RELN: variants seen among roughly 807,000 people sequenced by gnomAD.
RELN encodes the protein reelin.
Under a neutral mutation model 427.6 loss-of-function variants are expected in RELN, and 108 were observed. The ratio of observed to expected loss-of-function variants is 0.25; its 90% confidence interval spans 0.22 to 0.30. RELN has a LOEUF of 0.30. Ranked by LOEUF, RELN falls within the 10% of genes least tolerant of loss-of-function variation. The probability of loss-of-function intolerance (pLI) is 1.00; values close to 1 mark genes in which losing one functional copy is unlikely to be tolerated. For missense variants in RELN, 3,715 were observed against 4,302.8 expected (o/e 0.86, Z 3.82); for synonymous variants, 1,524 against 1,513.4 (o/e 1.01, Z -0.16).
intron 34 of RELN, among the ~76,000 whole-genome samples, chr7:103,562,221 A>ACCT (rs1830660140): frequency 6.6e-6 from 1 of 152,226 alleles, no homozygotes; most frequent in Admixed American, 6.5e-5. Context: ...GTGAAATGGA[A>ACCT]AAGTTATTTT....
At chr7:103,500,970 A>G in intron 52 of RELN, 48 bp from the exon 53 acceptor site, 1 of 1,550,514 alleles carries the variant, frequency 6.4e-7, no homozygotes, top group Non-Finnish European at 8.9e-7. Flanking sequence ...AGTTAACTGT[A>G]TTTAGGTCCA....
At chr7:103,699,536 A>T (rs1264792022) in intron 9 of RELN, among the ~76,000 whole-genome samples, 1 of 152,168 alleles carries the variant, frequency 6.6e-6, no homozygotes, top group Non-Finnish European at 1.5e-5. Flanking sequence ...TCAGCTGAAC[A>T]CAATCTTTAT....
At chr7:103,503,397 A>G (rs536018562) in intron 51 of RELN, among the ~76,000 whole-genome samples, 167 bp from the exon 52 acceptor site, 1 of 152,328 alleles carries the variant, frequency 6.6e-6, no homozygotes, top group Non-Finnish European at 1.5e-5. Context: ...GAAAGTCACC[A>G]TGATTGCCCC....
intron 4 of RELN, among the ~76,000 whole-genome samples, chr7:103,757,491 T>C (rs1403337181): frequency 2.0e-5 from 3 of 152,146 alleles, no homozygotes; most frequent in Non-Finnish European, 2.9e-5. Flanking sequence ...GAATTTAAAA[T>C]TGCACGATTA....
intron 1 of RELN, among the ~76,000 whole-genome samples, chr7:103,978,305 G>A (rs534445685): frequency 2.8e-4 from 43 of 151,708 alleles, no homozygotes; most frequent in Admixed American, 2.6e-4. Flanking sequence ...CCACATATAA[G>A]TGAAATCATG....
Position 103,496,759 on chromosome 7 carries a change from C to T in RELN, c.8960G>A (p.Trp2987Ter), listed in dbSNP as rs1828853916. The change falls in exon 56 of 65, where the codon TGG becomes TAG. Residue 2987 changes from tryptophan (W) to a stop codon, truncating the protein, a stop_gained. Transcript: ENST00000428762. LOFTEE classifies it high-confidence loss of function. ...GTAATCCATCTCATGGAGCAAAGTC[C>T]AGGTAATTCCTATAATAACAAATAT... is the stretch of plus-strand genomic sequence containing the variant. ...LDYSTDGGIT[W>*]TLLHEMDYQK... 6.2e-7 allele frequency: 1 copy of T among 1,613,886 alleles called. No homozygotes were observed. The highest frequency in any genetic ancestry group is 8.5e-7 in the Non-Finnish European group (1 of 1,179,890).
chr7:103,480,247 C>A (rs1312813007), intron 63 of RELN, among the ~76,000 whole-genome samples: 1 of 152,112 alleles, frequency 6.6e-6, no homozygotes, highest in Admixed American at 6.6e-5. Flanking sequence ...AATATACATC[C>A]TCTGAAGCAA....
chr7:103,800,015 CT>C (rs1370181846), intron 3 of RELN, among the ~76,000 whole-genome samples: 1 of 151,694 alleles, frequency 6.6e-6, no homozygotes, highest in Non-Finnish European at 1.5e-5. Context: ...TTATGACAAA[CT>C]CACAGCCAAT....
chr7:103,520,954 GTTATTT>G (rs1829687095), intron 48 of RELN, among the ~76,000 whole-genome samples: 6 of 78,190 alleles, frequency 7.7e-5, no homozygotes, highest in African/African-American at 2.0e-4. Flanking sequence ...CAGTAAATTT[GTTATTT>G]TTTTTTTTTT....
At chr7:103,732,691 C>T (rs1050481376) in intron 6 of RELN, among the ~76,000 whole-genome samples, 1 of 151,994 alleles carries the variant, frequency 6.6e-6, no homozygotes, top group African/African-American at 2.4e-5. Flanking sequence ...CCTGGCTTAC[C>T]CCAGAATTTG....
chr7:103,769,584 A>G (rs1022817950), intron 4 of RELN, among the ~76,000 whole-genome samples: 4 of 152,192 alleles, frequency 2.6e-5, no homozygotes, highest in Non-Finnish European at 5.9e-5. Context: ...GTATGATTTC[A>G]AAGCCCTCGT....
At chr7:103,686,413 A>T (rs1377580647) in intron 10 of RELN, among the ~76,000 whole-genome samples, 1 of 152,164 alleles carries the variant, frequency 6.6e-6, no homozygotes, top group Non-Finnish European at 1.5e-5. Flanking sequence ...CACCACAGCC[A>T]ATTTTTTAAT....
intron 2 of RELN, among the ~76,000 whole-genome samples, chr7:103,892,404 G>C (rs538462183): frequency 6.6e-6 from 1 of 152,244 alleles, no homozygotes; most frequent in South Asian, 2.1e-4. Context: ...CAAATTAAAA[G>C]GGTGAAAGGG....
rs916315141 is a variant in RELN, at chr7:103,876,657, C to G, written c.337+40418G>C. ...TGTGAACATGTGACTTACTAATCTC[C>G]GTCTAAAAAGTTTGATAATGAGAGC... On this transcript the variant is annotated intron_variant, in intron 2 of 64. Coordinates refer to ENST00000428762, the MANE Select transcript of RELN (RefSeq NM_005045.4). Among the ~76,000 whole-genome samples, 6 of 152,090 alleles carry G rather than the reference C, an allele frequency of 3.9e-5. 1 individual carries two copies. In the East Asian group the frequency reaches 1.2e-3, roughly 29 times the overall value.
At position 103,500,773 on chromosome 7, in the gene RELN, G is replaced by T. The variant is rs1562855239; in HGVS notation, c.8639C>A (p.Pro2880Gln). 6.2e-7 allele frequency: 1 copy of T among 1,614,044 alleles called. No homozygotes were observed. The highest frequency in any genetic ancestry group is 8.5e-7 in the Non-Finnish European group (1 of 1,179,980). ...QCICDPGYSGPNCYLTHTLKT... is the reference protein window; with the variant it reads ...QCICDPGYSGQNCYLTHTLKT... ...CAGAGTGTGGGTCAAGTAGCAGTTTGGCCCTGAGTATCCCGGATCACAGAT... is the reference window on the plus strand; with the variant it reads ...CAGAGTGTGGGTCAAGTAGCAGTTTTGCCCTGAGTATCCCGGATCACAGAT... The change falls in exon 53 of 65, where the codon CCA becomes CAA. Residue 2880 changes from proline (P) to glutamine (Q), a missense_variant. Pro to Gln is a moderately conservative substitution (Grantham distance 76). Coordinates refer to ENST00000428762, the MANE Select transcript of RELN (RefSeq NM_005045.4).
At chr7:103,804,569 G>A (rs921770610) in intron 3 of RELN, among the ~76,000 whole-genome samples, 7 of 152,088 alleles carry the variant, frequency 4.6e-5, no homozygotes, top group Non-Finnish European at 8.8e-5. Context: ...AAAGAAATAT[G>A]GTCATAAATA....
intron 2 of RELN, among the ~76,000 whole-genome samples, chr7:103,869,917 A>T (rs549461614): frequency 9.9e-5 from 15 of 152,214 alleles, no homozygotes; most frequent in African/African-American, 2.9e-4. Flanking sequence ...AGATCCCTGA[A>T]GTCTTTCTTC....
rs1025771161 is a variant in RELN at position 103,940,225 on chromosome 7, T to C, written c.227-23040A>G. On this transcript the variant is annotated intron_variant, in intron 1 of 64. Transcript: ENST00000428762. ...CTCCAAGACCAAGTTTCACTACTTG[T>C]TGGCTGGGTTGCCTAGGGCTACATG... Among the ~76,000 whole-genome samples the C allele has an allele frequency of 1.4e-4, 22 of 152,310 alleles. No homozygotes were observed. In the Middle Eastern group the frequency reaches 0.01, roughly 71 times the overall value.
At chr7:103,782,376 C>G (rs1389183704) in intron 3 of RELN, among the ~76,000 whole-genome samples, 3 of 152,112 alleles carry the variant, frequency 2.0e-5, no homozygotes, top group Non-Finnish European at 4.4e-5. Flanking sequence ...TTAGGTGCCA[C>G]TTATGAGCTA....
Sources: gnomAD v4.1 joint callset for allele counts (sites outside exome capture counted in the v4.1 genomes callset) on GRCh38, gnomAD v4.1.1 for gene constraint, MANE v1.5 for transcripts, NCBI Gene and HGNC (gene_info 2026-07-23, HGNC 2026-07-21) for gene names.